NDUFAF5: variants seen among roughly 807,000 people sequenced by gnomAD.
The protein encoded by NDUFAF5 is NADH:ubiquinone oxidoreductase complex assembly factor 5, also known as arginine-hydroxylase NDUFAF5, mitochondrial.
A neutral mutation model predicts 48.9 loss-of-function variants in NDUFAF5; 34 were observed. The ratio of observed to expected loss-of-function variants is 0.70; its 90% CI spans 0.53 to 0.93. The LOEUF (loss-of-function observed/expected upper bound fraction) is 0.93, where lower values mean the gene tolerates loss of function less well. NDUFAF5 is among the 40% of genes least tolerant of loss of function. The pLI is 0.00. For missense variants in NDUFAF5, 428 were observed against 427.5 expected, an observed-to-expected ratio of 1.00 and a Z score of -0.01; for synonymous variants, 153 against 150.6, an observed-to-expected ratio of 1.02 and a Z score of -0.12.
chr20:13,790,345 A>G (rs1982074095), intron 3 of NDUFAF5, among the ~76,000 whole-genome samples: 1 of 152,202 alleles, frequency 6.6e-6, no homozygotes, highest in South Asian at 2.1e-4. Flanking sequence ...CTCAACGCCA[A>G]AAAACATTTT....
intron 7 of NDUFAF5, 137 bp downstream of exon 7, chr20:13,801,820 A>C: frequency 1.4e-6 from 1 of 695,488 alleles, no homozygotes; most frequent in Non-Finnish European, 2.5e-6. Flanking sequence ...TTTTTAAGGG[A>C]AAAGCTCTGA....
chr20:13,816,505 T>A lies in NDUFAF5; in HGVS notation c.821T>A (p.Leu274Gln), dbSNP rs1040187200. 1.2e-6 allele frequency: 2 copies of A among 1,614,184 alleles called. No individual in the cohort carries two copies. ...SNCAWNRKAL[L>Q]HRDTMLAAAA... ...TGTGCTTGGAATAGAAAAGCCCTGC[T>A]GCATCGAGACACAATGCTGGCAGCT... The change falls in exon 9 of 11, where the codon CTG becomes CAG. Residue 274 changes from leucine to glutamine, a missense_variant. Transcript: ENST00000378106.
intron 8 of NDUFAF5, among the ~76,000 whole-genome samples, chr20:13,810,543 G>C (rs1985718980): frequency 6.6e-6 from 1 of 152,096 alleles, no homozygotes; most frequent in African/African-American, 2.4e-5. Context: ...TGGTGGTGAA[G>C]AAGAGGTGAA....
rs1164719536 is a variant in NDUFAF5 at position 13,817,999 on chromosome 20, G to A, written c.*789G>A. 1 of 454,038 alleles carries A rather than the reference G, an allele frequency of 2.2e-6. No homozygotes were observed. Among genetic ancestry groups the A allele is most frequent in the African/African-American group, 2.0e-5 (1 of 50,010 alleles). The allele number at this position is 454,038 out of a possible 1,614,324, so 28.1% of individuals were successfully genotyped here. A position where few individuals can be genotyped will look rare whatever the true frequency, so the allele number is the denominator to read the frequency against. On this transcript the variant is annotated 3_prime_UTR_variant, in exon 11 of 11. Transcript: ENST00000378106. ...AAGGCTGAGAAGCAAGCAGGAGTGA[G>A]CGCTAAGTGTTTTGTTTCCAGTTAG... is the stretch of plus-strand genomic sequence containing the variant.
intron 2 of NDUFAF5, among the ~76,000 whole-genome samples, 162 bp from the exon 3 acceptor site, chr20:13,788,427 G>A (rs1981589122): frequency 6.6e-6 from 1 of 152,168 alleles, no homozygotes; most frequent in Non-Finnish European, 1.5e-5. Context: ...GCCTTGTACT[G>A]TAGGCTCTGG....
intron 7 of NDUFAF5, among the ~76,000 whole-genome samples, chr20:13,807,102 C>T (rs375073567): frequency 1.3e-4 from 20 of 150,530 alleles, no homozygotes; most frequent in African/African-American, 3.9e-4. Context: ...GTTGGAGTGC[C>T]GTGGCGTGAT....
chr20:13,803,562 G>C (rs758785844), intron 7 of NDUFAF5: 3 of 152,180 alleles, frequency 2.0e-5, no homozygotes. Flanking sequence ...TCTCTTGAGA[G>C]TAAGAGTTCT....
chr20:13,794,914 C>A lies in NDUFAF5; in HGVS notation c.452C>A (p.Thr151Lys). Reference sequence around the variant, plus strand: ...GAATTCCTTCCCTTCAAAGAAAATACATTTGACCTGGTGGTTAGCAGTTTA... The same window carrying A: ...GAATTCCTTCCCTTCAAAGAAAATAAATTTGACCTGGTGGTTAGCAGTTTA... ...DEEFLPFKEN[T>K]FDLVVSSLSL... The change falls in exon 5 of 11, where the codon ACA becomes AAA. Residue 151 changes from threonine (T) to lysine (K), a missense_variant. Coordinates refer to ENST00000378106, the MANE Select transcript of NDUFAF5 (RefSeq NM_024120.5). The A allele has an allele frequency of 2.5e-6, 4 of 1,611,088 alleles. No homozygotes were observed. Among genetic ancestry groups the A allele is most frequent in the Non-Finnish European group, 3.4e-6 (4 of 1,177,270 alleles).
chr20:13,786,870 T>C (rs925908497), intron 1 of NDUFAF5, among the ~76,000 whole-genome samples: 2 of 152,222 alleles, frequency 1.3e-5, no homozygotes, highest in Non-Finnish European at 2.9e-5. Context: ...TCCACAAAAT[T>C]TGTTAGTCAT....
Position 13,785,183 on chromosome 20 carries a change from A to C in NDUFAF5, c.115A>C (p.Thr39Pro), listed in dbSNP as rs781649157. 3.1e-6 allele frequency: 5 copies of C among 1,613,748 alleles called. No individual in the cohort carries two copies. The highest frequency in any genetic ancestry group is 4.2e-6 in the Non-Finnish European group (5 of 1,179,916). The stretch of plus-strand genomic sequence containing the variant: ...CTCTGGTGTCTCTCCCCGCGGTAGC[A>C]CCTCGCCCAGAACCCTGAATATTTT... Reference protein sequence around the residue: ...VTSGVSPRGSTSPRTLNIFDR... With the variant: ...VTSGVSPRGSPSPRTLNIFDR... Residue 39 changes from threonine to proline, a missense_variant, in exon 1 of 11, where the codon ACC becomes CCC. Physicochemically the swap from Thr to Pro is conservative, Grantham distance 38. Transcript: ENST00000378106.
Position 13,798,341 on chromosome 20 carries a change from G to T in NDUFAF5, c.480-120G>T, listed in dbSNP as rs142588289. The T allele has an allele frequency of 1.6e-4, 120 of 752,726 alleles. 1 individual carries two copies. In the African/African-American group the frequency reaches 1.8e-3, roughly 11 times the overall value. 46.6% of individuals were successfully genotyped at this position (752,726 alleles called of 1,614,324 possible). ...TGTATGAAAACGATCAGTGGATTTG[G>T]ATATGCAGTTTTAAACTTCAAAATT... On this transcript the variant is annotated intron_variant, in intron 5 of 10. Coordinates refer to ENST00000378106, the MANE Select transcript of NDUFAF5 (RefSeq NM_024120.5).
In NDUFAF5 at chr20:13,818,116, C is replaced by T. The variant is rs1200113289; in HGVS notation, c.*906C>T. 2.2e-6 allele frequency: 1 copy of T among 454,150 alleles called. No homozygotes were observed. The highest frequency in any genetic ancestry group is 4.4e-6 in the Non-Finnish European group (1 of 226,794). The allele number at this position is 454,150 out of a possible 1,614,324, so 28.1% of individuals were successfully genotyped here. On this transcript the variant is annotated 3_prime_UTR_variant, in exon 11 of 11. Coordinates refer to ENST00000378106, the MANE Select transcript of NDUFAF5 (RefSeq NM_024120.5). The stretch of plus-strand genomic sequence containing the variant: ...ATAATAGCATTTCCTTCTGTCTCCT[C>T]TCAGTCTCTCTTCTGCCTTCCTTCC...
chr20:13,793,391 CT>C (rs1485602694), intron 4 of NDUFAF5, among the ~76,000 whole-genome samples, 164 bp downstream of exon 4: 1 of 152,184 alleles, frequency 6.6e-6, no homozygotes. Context: ...CCTATCACCC[CT>C]AGTCCTACCA....
chr20:13,801,864 T>C (rs1412591131), intron 7 of NDUFAF5, 181 bp downstream of exon 7: 5 of 590,692 alleles, frequency 8.5e-6, no homozygotes, highest in Non-Finnish European at 1.5e-5. Flanking sequence ...CACATCTTAA[T>C]TGACACAAGG....
At chr20:13,797,138 T>C (rs2147527611) in intron 5 of NDUFAF5, among the ~76,000 whole-genome samples, 1 of 152,314 alleles carries the variant, frequency 6.6e-6, no homozygotes, top group East Asian at 1.9e-4. Flanking sequence ...AGTTCATTAT[T>C]GGTGGGAATG....
At chr20:13,808,736 T>A in intron 7 of NDUFAF5, 106 bp from the exon 8 acceptor site, 1 of 689,336 alleles carries the variant, frequency 1.5e-6, no homozygotes, top group Non-Finnish European at 2.5e-6. Flanking sequence ...AAATATTTTT[T>A]GCTTAGCATG....
intron 7 of NDUFAF5, among the ~76,000 whole-genome samples, chr20:13,807,856 C>G (rs929199954): frequency 1.1e-4 from 16 of 151,484 alleles, no homozygotes; most frequent in Admixed American, 3.3e-4. Context: ...GGCTGAGGCA[C>G]AAGAATCGCT....
chr20:13,818,290 A>G lies in NDUFAF5; in HGVS notation c.*1080A>G. On this transcript the variant is annotated 3_prime_UTR_variant, in exon 11 of 11. Transcript: ENST00000378106. ...CTTGCCCTTTGAAAGACTAAGTTAT[A>G]GTTAAAAACCAAGATTTGTAGGAGA... is the stretch of plus-strand genomic sequence containing the variant. 2 of 444,052 alleles carry G rather than the reference A, an allele frequency of 4.5e-6. No individual in the cohort carries two copies. Among genetic ancestry groups the G allele is most frequent in the Non-Finnish European group, 9.0e-6 (2 of 222,390 alleles). 27.5% of individuals were successfully genotyped at this position (444,052 alleles called of 1,614,324 possible). A position where few individuals can be genotyped will look rare whatever the true frequency, so the allele number is the denominator to read the frequency against.
At chr20:13,814,614 A>C (rs1986250853) in intron 8 of NDUFAF5, 53 of 567,740 alleles carry the variant, frequency 9.3e-5, no homozygotes, top group South Asian at 7.5e-4. Context: ...TTCACCTTAA[A>C]AACACTGTGA....
Sources: allele counts gnomAD v4.1 joint callset (sites outside exome capture counted in the v4.1 genomes callset), GRCh38; gene constraint gnomAD v4.1.1; transcripts MANE v1.5; gene names NCBI Gene and HGNC (gene_info 2026-07-23, HGNC 2026-07-21).